Variants in CASP10 observed in about 807,000 individuals in gnomAD.
The protein encoded by CASP10 is caspase 10, also known as caspase-10.
In CASP10, 41 loss-of-function variants were observed where a neutral mutation model predicts 48.5. The ratio of observed to expected loss-of-function variants is 0.85; its 90% CI spans 0.66 to 1.10. The LOEUF (loss-of-function observed/expected upper bound fraction) is 1.10. CASP10 is among the 50% of genes least tolerant of loss of function. The pLI is 0.00. For missense variants in CASP10, 614 were observed against 614.5 expected, an observed-to-expected ratio of 1.00 and a Z score of 0.01; for synonymous variants, 232 against 238.4, an observed-to-expected ratio of 0.97 and a Z score of 0.25.
chr2:201,193,765 G>A (rs1315148535), intron 4 of CASP10, among the ~76,000 whole-genome samples: 26 of 152,156 alleles, frequency 1.7e-4, no homozygotes, highest in Admixed American at 1.7e-3. Context: ...TATTTTAAAT[G>A]AAATAACATG....
intron 5 of CASP10, among the ~76,000 whole-genome samples, chr2:201,200,068 TG>T (rs1164418765): frequency 6.6e-6 from 1 of 152,210 alleles, no homozygotes. Flanking sequence ...ATCACAGAAG[TG>T]ATGTGTCTTT....
intron 4 of CASP10, among the ~76,000 whole-genome samples, chr2:201,193,862 T>C (rs1441770279): frequency 6.6e-6 from 1 of 152,184 alleles, no homozygotes; most frequent in East Asian, 1.9e-4. Flanking sequence ...GCAGTGGTAC[T>C]TTTTTGGCTT....
chr2:201,203,890 T>G, intron 6 of CASP10, 124 bp downstream of exon 6: 1 of 824,034 alleles, frequency 1.2e-6, no homozygotes. Flanking sequence ...AATAATTCAT[T>G]TTTTATTCCA....
At chr2:201,200,486 C>T (rs773609733) in intron 5 of CASP10, 13 of 1,598,214 alleles carry the variant, frequency 8.1e-6, no homozygotes, top group African/African-American at 2.7e-5. Flanking sequence ...CGTGGAAACT[C>T]GCCAGATGAC....
chr2:201,188,261 C>T (rs1330604012), intron 3 of CASP10, among the ~76,000 whole-genome samples: 1 of 152,054 alleles, frequency 6.6e-6, no homozygotes, highest in Non-Finnish European at 1.5e-5. Flanking sequence ...CTCACTGCAA[C>T]CTCCACCTCC....
intron 3 of CASP10, among the ~76,000 whole-genome samples, chr2:201,189,011 C>T (rs1450126822): frequency 6.6e-6 from 1 of 151,550 alleles, no homozygotes; most frequent in African/African-American, 2.4e-5. Context: ...GCTGGGATTA[C>T]AGCAGCCTGC....
chr2:201,229,241 C>A, exon 10 of CASP10: 1 of 780,348 alleles, frequency 1.3e-6, no homozygotes. Flanking sequence ...TGTTCCCTTA[C>A]TGTTTCACGT....
At chr2:201,204,524 A>G (rs946403871) in intron 6 of CASP10, among the ~76,000 whole-genome samples, 1 of 152,182 alleles carries the variant, frequency 6.6e-6, no homozygotes, top group Non-Finnish European at 1.5e-5. Context: ...TTCAGGGATT[A>G]TATCATTTAT....
At position 201,221,560 on chromosome 2, in the gene CASP10, C is replaced by G. The variant is rs1945721149; in HGVS notation, c.*3819C>G. 6.6e-6 allele frequency: 1 copy of G among 152,506 alleles called. No homozygotes were observed. The highest frequency in any genetic ancestry group is 2.4e-5 in the African/African-American group (1 of 41,418). The allele number at this position is 152,506 out of a possible 1,614,324, so 9.4% of individuals were successfully genotyped here. On this transcript the variant is annotated 3_prime_UTR_variant, in exon 10 of 10. Coordinates refer to ENST00000286186, the MANE Select transcript of CASP10 (RefSeq NM_032977.4). ...TTGACTGTAATTTTCCACTACTTACCCAAATCCTATAAAACGGCCCCACCC... is the reference window on the plus strand; with the variant it reads ...TTGACTGTAATTTTCCACTACTTACGCAAATCCTATAAAACGGCCCCACCC...
chr2:201,213,873 A>G, intron 9 of CASP10: 1 of 152,188 alleles, frequency 6.6e-6, no homozygotes. Flanking sequence ...CATAAGGATA[A>G]TATCAGGAAA....
chr2:201,193,507 C>CTGT (rs1944684381), intron 4 of CASP10: 1 of 265,540 alleles, frequency 3.8e-6, no homozygotes, highest in Non-Finnish European at 7.5e-6. Context: ...CATGCCTGGC[C>CTGT]CGTGCATGAT....
At chr2:201,224,933 C>A (rs1945769068), downstream of CASP10, among the ~76,000 whole-genome samples, 1 of 152,156 alleles carries the variant, frequency 6.6e-6, no homozygotes, top group African/African-American at 2.4e-5. Context: ...TCCCATTATT[C>A]ACTCTGTGTT....
rs1257601705 is a variant in CASP10, at chr2:201,206,621, C to CAT, written c.813+657_813+658dup. Reference sequence around the variant, plus strand: ...GTGTATATATATATATACACACACTCATATATATATTCACATATATATAAA... The same window carrying CAT: ...GTGTATATATATATATACACACACTCATATATATATATTCACATATATATAAA... On this transcript the variant is annotated intron_variant, in intron 7 of 9. Coordinates refer to ENST00000286186, the MANE Select transcript of CASP10 (RefSeq NM_032977.4). Among the ~76,000 whole-genome samples the CAT allele has an allele frequency of 3.2e-3, 481 of 148,422 alleles. 2 individuals carry two copies. The highest frequency in any genetic ancestry group is 0.011 in the African/African-American group (451 of 40,726).
chr2:201,227,848 C>A (rs1207711037), intron 9 of CASP10, among the ~76,000 whole-genome samples: 1 of 152,036 alleles, frequency 6.6e-6, no homozygotes, highest in Non-Finnish European at 1.5e-5. Flanking sequence ...TGTGAGCCAC[C>A]GCGCCCGGCC....
At chr2:201,202,477 G>T (rs1229534310) in intron 5 of CASP10, among the ~76,000 whole-genome samples, 1 of 152,208 alleles carries the variant, frequency 6.6e-6, no homozygotes, top group East Asian at 1.9e-4. Flanking sequence ...ATCAAGGAAA[G>T]CCAGGGCCTG....
Position 201,205,874 on chromosome 2 carries a change from C to T in CASP10, c.722-8C>T, listed in dbSNP as rs540573955. On this transcript the variant is annotated splice_region_variant and splice_polypyrimidine_tract_variant and intron_variant, in intron 6 of 9. Coordinates refer to ENST00000286186, the MANE Select transcript of CASP10 (RefSeq NM_032977.4). ...AGATATTTGGAGTCTGAGTACCTCT[C>T]TTTCTAGGTAACAGAGCCACAAATG... The T allele has an allele frequency of 1.3e-6, 2 of 1,562,088 alleles. No individual in the cohort carries two copies. The highest frequency in any genetic ancestry group is 1.7e-5 in the Admixed American group (1 of 59,940).
intron 6 of CASP10, 144 bp from the exon 7 acceptor site, chr2:201,205,738 C>T (rs577623229): frequency 1.4e-6 from 1 of 692,266 alleles, no homozygotes; most frequent in African/African-American, 1.8e-5. Flanking sequence ...CAGTCTCTCC[C>T]ATCAGGAAGG....
In CASP10 at chr2:201,209,148, T is replaced by C; in HGVS notation, c.1001T>C (p.Met334Thr). ...AATGTGACGAAAGTGGAAATGGAGA[T>C]GGTCCTGCAGAAGCAGAAGTGCAAT... ...HNNVTKVEME[M>T]VLQKQKCNPA... is the part of the protein sequence containing the mutation. Residue 334 changes from methionine to threonine, a missense_variant, in exon 9 of 10, where the codon ATG becomes ACG. By Grantham distance (81) the Met-to-Thr change is moderately conservative (BLOSUM62 -1). Coordinates refer to ENST00000286186, the MANE Select transcript of CASP10 (RefSeq NM_032977.4). 1 of 1,612,000 alleles carries C rather than the reference T, an allele frequency of 6.2e-7. No homozygotes were observed. Among genetic ancestry groups the C allele is most frequent in the Non-Finnish European group, 8.5e-7 (1 of 1,179,274 alleles).
chr2:201,219,549 A>G lies in CASP10; in HGVS notation c.*1808A>G. 1.0e-6 allele frequency: 1 copy of G among 985,456 alleles called. No homozygotes were observed. The highest frequency in any genetic ancestry group is 1.2e-6 in the Non-Finnish European group (1 of 829,980). The allele number at this position is 985,456 out of a possible 1,614,324, so 61.0% of individuals were successfully genotyped here. On this transcript the variant is annotated 3_prime_UTR_variant, in exon 10 of 10. Coordinates refer to ENST00000286186, the MANE Select transcript of CASP10 (RefSeq NM_032977.4). ...ACACTTTGCTCCTCTGGCCCAAGGC[A>G]TGAGGAGAGAGGCTGTGTCAGAAAC...
Sources: allele counts gnomAD v4.1 joint callset (sites outside exome capture counted in the v4.1 genomes callset), GRCh38; gene constraint gnomAD v4.1.1; transcripts MANE v1.5; gene names NCBI Gene and HGNC (gene_info 2026-07-23, HGNC 2026-07-21).